The following NUP153 variants were observed in gnomAD, a reference collection of about 807,000 sequenced individuals.
The protein encoded by NUP153 is nucleoporin 153, also known as nuclear pore complex protein Nup153.
NUP153 carries 27 observed loss-of-function variants against 134.6 expected under a neutral mutation model. The ratio of observed to expected loss-of-function variants is 0.20; its 90% CI spans 0.15 to 0.28. The LOEUF is 0.28. Among genes scored for constraint, NUP153 ranks in the 10% least tolerant of loss-of-function variants. The pLI is 1.00. For synonymous variants in NUP153, 640 were observed against 623.5 expected, an observed-to-expected ratio of 1.03 and a Z score of -0.40; for missense variants, 1,821 against 1,731.3, an observed-to-expected ratio of 1.05 and a Z score of -0.92.
chr6:17,679,620 A>G (rs1768456362), intron 2 of NUP153, among the ~76,000 whole-genome samples: 1 of 152,252 alleles, frequency 6.6e-6, no homozygotes, highest in Non-Finnish European at 1.5e-5. Flanking sequence ...AAAACTTAAT[A>G]CAGAAGTACA....
intron 11 of NUP153, chr6:17,651,741 T>C (rs913505658): frequency 2.4e-6 from 1 of 417,550 alleles, no homozygotes; most frequent in East Asian, 3.4e-5. Flanking sequence ...GACAAATCAC[T>C]ATGGAGCCAT....
At chr6:17,660,175 A>G (rs992181710) in intron 11 of NUP153, among the ~76,000 whole-genome samples, 1 of 152,248 alleles carries the variant, frequency 6.6e-6, no homozygotes, top group African/African-American at 2.4e-5. Context: ...ACCAATAGGC[A>G]TGAAGAAATC....
At chr6:17,664,666 T>A (rs551822000) in intron 9 of NUP153, among the ~76,000 whole-genome samples, 31 of 152,144 alleles carry the variant, frequency 2.0e-4, no homozygotes, top group African/African-American at 7.0e-4. Flanking sequence ...CACCACCACA[T>A]GAAAGAAACA....
intron 2 of NUP153, among the ~76,000 whole-genome samples, chr6:17,686,884 G>A (rs1248009793): frequency 2.0e-5 from 3 of 148,324 alleles, no homozygotes; most frequent in Non-Finnish European, 3.0e-5. Flanking sequence ...GGGCAGCCGG[G>A]GGCGGGCGGC....
chr6:17,656,451 T>C (rs2113808791), intron 11 of NUP153, among the ~76,000 whole-genome samples: 1 of 152,222 alleles, frequency 6.6e-6, no homozygotes, highest in African/African-American at 2.4e-5. Flanking sequence ...GTTATTTTTT[T>C]AAAGACAGAG....
chr6:17,624,538 T>G lies in NUP153; in HGVS notation c.4174+23A>C, dbSNP rs1443173942. 1.9e-6 allele frequency: 3 copies of G among 1,610,684 alleles called. No individual in the cohort carries two copies. The South Asian group carries it at 3.3e-5, about 18-fold the overall frequency. ...AGACACACAAAACCCATACAGATAC[T>G]AACAGCATCACAGCACACTTACTAG... On this transcript the variant is annotated intron_variant, in intron 20 of 21. Transcript: ENST00000262077.
At chr6:17,648,050 A>G (rs776958529) in intron 12 of NUP153, 145 bp from the exon 13 acceptor site, 6 of 614,924 alleles carry the variant, frequency 9.8e-6, no homozygotes, top group Non-Finnish European at 1.7e-5. Context: ...TTAAATTCTG[A>G]AAAACACAGA....
At chr6:17,686,403 CTT>C (rs1235635209) in intron 2 of NUP153, among the ~76,000 whole-genome samples, 4 of 144,806 alleles carry the variant, frequency 2.8e-5, no homozygotes, top group Non-Finnish European at 3.1e-5. Flanking sequence ...TTTTTTATTT[CTT>C]TTTTTTTTTT....
chr6:17,637,081 G>A, intron 16 of NUP153, 72 bp downstream of exon 16: 1 of 1,380,202 alleles, frequency 7.2e-7, no homozygotes, highest in East Asian at 2.3e-5. Flanking sequence ...TCTAAAACAA[G>A]GATTCTTAGA....
At chr6:17,667,766 A>G (rs1021188028) in intron 8 of NUP153, among the ~76,000 whole-genome samples, 7 of 152,206 alleles carry the variant, frequency 4.6e-5, no homozygotes, top group African/African-American at 1.7e-4. Context: ...TCCCTGAAGG[A>G]TGCTTAACCA....
rs149434388 is a variant in NUP153 at position 17,618,089 on chromosome 6, T to C, written c.4175-1394A>G. Among the ~76,000 whole-genome samples, 491 of 152,282 alleles carry C rather than the reference T, an allele frequency of 3.2e-3. 2 individuals are homozygous for C. Among genetic ancestry groups the C allele is most frequent in the African/African-American group, 0.011 (470 of 41,574 alleles). Reference sequence around the variant, plus strand: ...AACACTGGCAAATGAAGTTCTCTGATACCCTCCATGCAGGAGACTGGATGC... The same window carrying C: ...AACACTGGCAAATGAAGTTCTCTGACACCCTCCATGCAGGAGACTGGATGC... On this transcript the variant is annotated intron_variant, in intron 20 of 21. Coordinates refer to ENST00000262077, the MANE Select transcript of NUP153 (RefSeq NM_005124.4).
intron 9 of NUP153, among the ~76,000 whole-genome samples, chr6:17,663,437 T>TA (rs1375674812): frequency 6.6e-6 from 1 of 152,056 alleles, no homozygotes; most frequent in African/African-American, 2.4e-5. Flanking sequence ...CTAATTTTTT[T>TA]ATTTCTTCTA....
chr6:17,696,647 C>G (rs542669212), intron 1 of NUP153, among the ~76,000 whole-genome samples: 3 of 152,006 alleles, frequency 2.0e-5, no homozygotes, highest in Non-Finnish European at 4.4e-5. Flanking sequence ...CCCAGCTCCT[C>G]GGGAGGCTGA....
At position 17,647,909 on chromosome 6, in the gene NUP153, GT is replaced by G; in HGVS notation, c.1534-5del. The G allele has an allele frequency of 6.3e-7, 1 of 1,584,166 alleles. No homozygotes were observed. The highest frequency in any genetic ancestry group is 8.6e-7 in the Non-Finnish European group (1 of 1,159,214). On this transcript the variant is annotated splice_polypyrimidine_tract_variant and splice_region_variant and intron_variant, in intron 12 of 21. Transcript: ENST00000262077. ...TGCTCGGAGAGGTCATTTGTACCTGGTTTTCCAAATTATTAAGAAATGATAC... is the reference window on the plus strand; with the variant it reads ...TGCTCGGAGAGGTCATTTGTACCTGGTTTCCAAATTATTAAGAAATGATAC...
In NUP153 at chr6:17,701,865, C is replaced by A. The variant is rs189505263; in HGVS notation, c.111+4412G>T. On this transcript the variant is annotated intron_variant, in intron 1 of 21. Transcript: ENST00000262077. ...GGGGGAAAAAAGCTAAATGCAGGAA[C>A]TGACTTGTAAGACAAACTATATCTA... is the stretch of plus-strand genomic sequence containing the variant. Among the ~76,000 whole-genome samples the A allele has an allele frequency of 2.3e-3, 319 of 137,424 alleles. 5 individuals carry two copies. The highest frequency in any genetic ancestry group is 8.0e-3 in the African/African-American group (298 of 37,022). 90.2% of individuals were successfully genotyped at this position (137,424 alleles called of 152,430 possible).
intron 1 of NUP153, among the ~76,000 whole-genome samples, chr6:17,703,932 T>G (rs1382777480): frequency 2.0e-5 from 3 of 152,220 alleles, no homozygotes; most frequent in Non-Finnish European, 4.4e-5. Flanking sequence ...CCTTGGATCA[T>G]AGGTGTTATG....
chr6:17,629,894 G>A (rs986386380), intron 17 of NUP153, among the ~76,000 whole-genome samples: 1 of 152,148 alleles, frequency 6.6e-6, no homozygotes. Flanking sequence ...AATAGTTACC[G>A]AAAATTACAA....
intron 2 of NUP153, among the ~76,000 whole-genome samples, chr6:17,685,679 C>T (rs1768882296): frequency 1.3e-5 from 2 of 152,096 alleles, no homozygotes; most frequent in Admixed American, 6.6e-5. Flanking sequence ...CAGGAGTCTG[C>T]AGTCATGCTA....
Position 17,625,787 on chromosome 6 carries a change from T to C in NUP153, c.3901+21A>G, listed in dbSNP as rs746501123. 5 of 1,562,294 alleles carry C rather than the reference T, an allele frequency of 3.2e-6. No individual in the cohort carries two copies. The highest frequency in any genetic ancestry group is 4.4e-6 in the Non-Finnish European group (5 of 1,134,696). On this transcript the variant is annotated intron_variant, in intron 19 of 21. Coordinates refer to ENST00000262077, the MANE Select transcript of NUP153 (RefSeq NM_005124.4). The surrounding 1 kb of genome is among the most constrained non-coding windows in gnomAD (Gnocchi z 4.7). The stretch of plus-strand genomic sequence containing the variant: ...GTAAAGTCCATCCAATTACAATGCA[T>C]TTTTTCTTTTGTAAATGTACCTGCA...
Sources: allele counts gnomAD v4.1 joint callset (sites outside exome capture counted in the v4.1 genomes callset), GRCh38; gene constraint gnomAD v4.1.1; non-coding constraint Gnocchi (gnomAD v3.1); transcripts MANE v1.5; gene names NCBI Gene and HGNC (gene_info 2026-07-23, HGNC 2026-07-21).